The following SFMBT2 variants were observed in gnomAD, a reference collection of about 807,000 sequenced individuals.
SFMBT2 encodes scm-like with four MBT domains protein 2.
A neutral mutation model predicts 110.1 loss-of-function variants in SFMBT2; 38 were observed. The ratio of observed to expected loss-of-function variants is 0.35; its 90% CI spans 0.27 to 0.45. The LOEUF (loss-of-function observed/expected upper bound fraction) is 0.45. Ranked by LOEUF, SFMBT2 falls within the 20% of genes least tolerant of loss-of-function variation. The pLI is 1.00. For missense variants in SFMBT2, 1,011 were observed against 1,094.9 expected, an observed-to-expected ratio of 0.92 and a Z score of 1.08; for synonymous variants, 425 against 425.4, an observed-to-expected ratio of 1.00 and a Z score of 0.01.
chr10:7,243,203 C>A (rs749271473), intron 9 of SFMBT2, among the ~76,000 whole-genome samples: 2 of 152,214 alleles, frequency 1.3e-5, no homozygotes, highest in Non-Finnish European at 2.9e-5. Context: ...AAATGCTTCA[C>A]CAACATTGTG....
intron 4 of SFMBT2, among the ~76,000 whole-genome samples, chr10:7,312,409 G>C (rs1347011058): frequency 1.3e-5 from 2 of 152,178 alleles, no homozygotes; most frequent in Non-Finnish European, 2.9e-5. Flanking sequence ...ATCTTCACAA[G>C]ACAGAAGTAA....
rs56871421 is a variant in SFMBT2, at chr10:7,228,738, T to TTC, written c.1121-803_1121-802dup. Among the ~76,000 whole-genome samples the TTC allele has an allele frequency of 4.4e-3, 273 of 62,524 alleles. 9 individuals are homozygous for TTC. Among genetic ancestry groups the TTC allele is most frequent in the South Asian group, 8.0e-3 (14 of 1,742 alleles). The allele number at this position is 62,524 out of a possible 152,430, so 41.0% of individuals were successfully genotyped here. On this transcript the variant is annotated intron_variant, in intron 9 of 20. Transcript: ENST00000397167. The stretch of plus-strand genomic sequence containing the variant: ...TTCTTTCTTTCTTTCTTTCTTTCCT[T>TTC]TCTCTCTCTCTCTCTCTCTCTCTCT...
At chr10:7,382,417 A>T (rs886243060) in intron 1 of SFMBT2, among the ~76,000 whole-genome samples, 12 of 152,190 alleles carry the variant, frequency 7.9e-5, no homozygotes, top group African/African-American at 2.7e-4. Flanking sequence ...CTCAAAAAAA[A>T]AATTAATTAA....
At chr10:7,370,399 A>G (rs1206485719) in intron 2 of SFMBT2, 24 bp from the exon 3 acceptor site, 2 of 1,588,046 alleles carry the variant, frequency 1.3e-6, no homozygotes, top group Non-Finnish European at 1.7e-6. Context: ...AAAGAACAGA[A>G]TATCAATACT....
At chr10:7,202,744 T>A (rs1838998569) in intron 12 of SFMBT2, 1 of 985,486 alleles carries the variant, frequency 1.0e-6, no homozygotes, top group Non-Finnish European at 1.2e-6. Flanking sequence ...GTTCATTTAA[T>A]CTTATCATTA....
chr10:7,225,059 T>A (rs1399241933), intron 10 of SFMBT2, among the ~76,000 whole-genome samples: 1 of 152,234 alleles, frequency 6.6e-6, no homozygotes, highest in Non-Finnish European at 1.5e-5. Flanking sequence ...TATTTGTTTC[T>A]GCAAGTTACC....
chr10:7,220,475 T>G lies in SFMBT2; in HGVS notation c.1266A>C (p.Pro422=). 6.2e-7 allele frequency: 1 copy of G among 1,614,098 alleles called. No homozygotes were observed. Among genetic ancestry groups the G allele is most frequent in the Non-Finnish European group, 8.5e-7 (1 of 1,179,950 alleles). The change falls in exon 11 of 21, where the codon CCA becomes CCC. Residue 422 remains proline (P), a synonymous_variant. Coordinates refer to ENST00000397167, the MANE Select transcript of SFMBT2 (RefSeq NM_001387889.1). ...CAACGGAGGCCACACACAGTTCTCC[T>G]GGATTCCTGGGGTTCACAGCTTCAA... The part of the protein sequence containing the change: ...MKLEAVNPRN[P]GELCVASVVS...
Position 7,176,568 on chromosome 10 carries a change from A to G in SFMBT2, c.1809-403T>C, listed in dbSNP as rs565312812. On this transcript the variant is annotated intron_variant, in intron 16 of 20. Transcript: ENST00000397167. ...TTTGAAAAATGTGAGTGCATATGGGATCAGGATTCTGCCTTGAAAACCATG... is the reference window on the plus strand; with the variant it reads ...TTTGAAAAATGTGAGTGCATATGGGGTCAGGATTCTGCCTTGAAAACCATG... 75 of 899,552 alleles carry G rather than the reference A, an allele frequency of 8.3e-5. No individual in the cohort carries two copies. In the African/African-American group the frequency reaches 1.3e-3, roughly 16 times the overall value. 55.7% of individuals were successfully genotyped at this position (899,552 alleles called of 1,614,324 possible).
intron 9 of SFMBT2, among the ~76,000 whole-genome samples, chr10:7,239,991 T>C (rs907895528): frequency 3.3e-5 from 5 of 152,190 alleles, no homozygotes; most frequent in African/African-American, 9.7e-5. Flanking sequence ...GTAAGGTTGA[T>C]GAAATCATCT....
chr10:7,345,646 C>T (rs1046604384), intron 4 of SFMBT2, among the ~76,000 whole-genome samples: 7 of 152,224 alleles, frequency 4.6e-5, no homozygotes, highest in Admixed American at 1.3e-4. Flanking sequence ...CGTGAGCCAC[C>T]GTGCCCAGCC....
chr10:7,207,586 C>G (rs1839194596), intron 11 of SFMBT2: 17 of 981,956 alleles, frequency 1.7e-5, no homozygotes, highest in Non-Finnish European at 1.9e-5. Context: ...ACCTGGTGAG[C>G]CCCATTACCA....
chr10:7,353,642 T>C (rs1844401207), intron 4 of SFMBT2, among the ~76,000 whole-genome samples: 1 of 152,228 alleles, frequency 6.6e-6, no homozygotes, highest in South Asian at 2.1e-4. Context: ...ATTTTCAATT[T>C]GGCGTTGAGA....
At chr10:7,189,107 T>C in intron 15 of SFMBT2, 1 of 963,088 alleles carries the variant, frequency 1.0e-6, no homozygotes, top group Non-Finnish European at 1.2e-6. Flanking sequence ...AATTTCATTC[T>C]ATTTTTACAG....
intron 4 of SFMBT2, among the ~76,000 whole-genome samples, chr10:7,355,306 TTAAAA>T (rs1317840281): frequency 6.6e-6 from 1 of 152,184 alleles, no homozygotes; most frequent in African/African-American, 2.4e-5. Flanking sequence ...ATTTAAAATA[TTAAAA>T]TAAAATTAAA....
chr10:7,293,486 C>T lies in SFMBT2; in HGVS notation c.437-7532G>A, dbSNP rs896880509. 2.6e-5 allele frequency among the ~76,000 whole-genome samples: 4 copies of T among 152,124 alleles called. No individual in the cohort carries two copies. The highest frequency in any genetic ancestry group is 4.4e-5 in the Non-Finnish European group (3 of 68,020). ...GTAGAACACAGAAATGTCCCTGAGG[C>T]TTTCTGGCCCAAGCACTTGAAGAAT... On this transcript the variant is annotated intron_variant, in intron 4 of 20. Transcript: ENST00000397167. The surrounding 1 kb of genome is among the most constrained non-coding windows in gnomAD (Gnocchi z 4.6).
chr10:7,239,930 T>C (rs1237316410), intron 9 of SFMBT2, among the ~76,000 whole-genome samples: 3 of 152,148 alleles, frequency 2.0e-5, no homozygotes, highest in Admixed American at 6.5e-5. Context: ...CACCAGGATT[T>C]GCAAAGTCAT....
intron 4 of SFMBT2, among the ~76,000 whole-genome samples, chr10:7,357,133 C>CA (rs1844544747): frequency 6.6e-6 from 1 of 151,968 alleles, no homozygotes. Flanking sequence ...CAAGTGTACA[C>CA]AAAATGTTCT....
chr10:7,266,968 A>G (rs1841413778), intron 7 of SFMBT2, among the ~76,000 whole-genome samples: 1 of 152,122 alleles, frequency 6.6e-6, no homozygotes. Flanking sequence ...GATAAAAAAT[A>G]GCTTATACCA....
intron 16 of SFMBT2, among the ~76,000 whole-genome samples, chr10:7,184,234 T>C (rs1455809855): frequency 6.6e-6 from 1 of 152,206 alleles, no homozygotes; most frequent in African/African-American, 2.4e-5. Context: ...TCTTGAATTG[T>C]AGCTCCCATA....
Sources: gnomAD v4.1 joint callset for allele counts (sites outside exome capture counted in the v4.1 genomes callset) on GRCh38, gnomAD v4.1.1 for gene constraint, Gnocchi (gnomAD v3.1) non-coding constraint, MANE v1.5 for transcripts, NCBI Gene and HGNC (gene_info 2026-07-23, HGNC 2026-07-21) for gene names.